WWOX: variants seen among roughly 807,000 people sequenced by gnomAD.
WWOX encodes the protein WW domain containing oxidoreductase.
Under a neutral mutation model 46.2 loss-of-function variants are expected in WWOX, and 69 were observed. The ratio of observed to expected loss-of-function variants is 1.49; its 90% CI spans 1.23 to 1.82. The LOEUF is 1.82. Ranked by LOEUF, WWOX falls within the 40% of genes most tolerant of loss-of-function variation. WWOX has a pLI of 0.00. For missense variants in WWOX, 919 were observed against 542.6 expected, an observed-to-expected ratio of 1.69 and a Z score of -6.89; for synonymous variants, 359 against 202.6, an observed-to-expected ratio of 1.77 and a Z score of -6.56.
chr16:79,034,375 G>C (rs1399326374), intron 8 of WWOX, among the ~76,000 whole-genome samples: 1 of 152,198 alleles, frequency 6.6e-6, no homozygotes, highest in African/African-American at 2.4e-5. Flanking sequence ...TAATGAAATT[G>C]TATGCAAAGC....
intron 8 of WWOX, among the ~76,000 whole-genome samples, chr16:78,700,161 C>G (rs1166601517): frequency 6.6e-6 from 1 of 151,344 alleles, no homozygotes; most frequent in Non-Finnish European, 1.5e-5. Context: ...TAACAGAATA[C>G]CGTTGACTGG....
intron 8 of WWOX, among the ~76,000 whole-genome samples, chr16:79,120,445 G>A (rs982626496): frequency 8.5e-5 from 13 of 152,148 alleles, no homozygotes; most frequent in Admixed American, 6.5e-5. Context: ...CGCCCCTCCT[G>A]CCAAGAGCCC....
At position 78,338,545 on chromosome 16, in the gene WWOX, C is replaced by T. The variant is rs2080944579; in HGVS notation, c.517-48315C>T. Among the ~76,000 whole-genome samples, 2 of 120,750 alleles carry T rather than the reference C, an allele frequency of 1.7e-5. 1 individual carries two copies. Among genetic ancestry groups the T allele is most frequent in the South Asian group, 4.9e-4 (2 of 4,042 alleles). 79.2% of individuals were successfully genotyped at this position (120,750 alleles called of 152,430 possible). A position where few individuals can be genotyped will look rare whatever the true frequency, so the allele number is the denominator to read the frequency against. On this transcript the variant is annotated intron_variant, in intron 5 of 8. Coordinates refer to ENST00000566780, the MANE Select transcript of WWOX (RefSeq NM_016373.4). ...GAAATTCTGTAGTTTCCACAAGTAA[C>T]CAGAGAATTGTTCAAGGCAGAGAAT...
intron 8 of WWOX, among the ~76,000 whole-genome samples, chr16:79,140,834 T>G (rs2050075159): frequency 6.6e-6 from 1 of 151,928 alleles, no homozygotes. Context: ...ATCCGGAGAG[T>G]CTTCTTGTCA....
chr16:78,982,065 G>A (rs571781661), intron 8 of WWOX, among the ~76,000 whole-genome samples: 1 of 152,162 alleles, frequency 6.6e-6, no homozygotes, highest in Non-Finnish European at 1.5e-5. Flanking sequence ...GTTGTCTGTA[G>A]GATTTGGCCC....
chr16:78,460,358 C>T (rs1260610480), intron 8 of WWOX, among the ~76,000 whole-genome samples: 1 of 151,960 alleles, frequency 6.6e-6, no homozygotes, highest in Non-Finnish European at 1.5e-5. Context: ...AAACTACTGA[C>T]CTCTCCTCGG....
In WWOX at chr16:78,256,165, A is replaced by G. The variant is rs867018923; in HGVS notation, c.516+91876A>G. Among the ~76,000 whole-genome samples, 626 of 151,332 alleles carry G rather than the reference A, an allele frequency of 4.1e-3. 1 individual carries two copies. Among genetic ancestry groups the G allele is most frequent in the Middle Eastern group, 0.01 (3 of 292 alleles). ...ACTCCATCTCAAAAAAAAAAAAAAA[A>G]AAAAAAAAAGTAACTCATTCAAGGC... On this transcript the variant is annotated intron_variant, in intron 5 of 8. Transcript: ENST00000566780.
intron 8 of WWOX, among the ~76,000 whole-genome samples, chr16:79,056,047 AAT>A (rs2048255840): frequency 6.6e-6 from 1 of 152,088 alleles, no homozygotes; most frequent in Non-Finnish European, 1.5e-5. Context: ...TAATTGATAG[AAT>A]TACTAATTTG....
chr16:79,209,981 G>A (rs941457467), intron 8 of WWOX, among the ~76,000 whole-genome samples: 1 of 152,210 alleles, frequency 6.6e-6, no homozygotes, highest in Non-Finnish European at 1.5e-5. Flanking sequence ...TTTGGAGTGG[G>A]CATGATAATG....
At chr16:78,434,830 G>C (rs558490290) in intron 8 of WWOX, among the ~76,000 whole-genome samples, 2 of 152,264 alleles carry the variant, frequency 1.3e-5, no homozygotes, top group East Asian at 3.9e-4. Context: ...GTCATTGATA[G>C]AAAATAGTGG....
chr16:78,506,459 T>C (rs561884531), intron 8 of WWOX: 2 of 152,352 alleles, frequency 1.3e-5, no homozygotes, highest in African/African-American at 4.8e-5. Flanking sequence ...GAAGGTATAT[T>C]CAGAGTCTCC....
At chr16:78,314,709 T>TTTTG (rs2080324415) in intron 5 of WWOX, among the ~76,000 whole-genome samples, 1 of 77,396 alleles carries the variant, frequency 1.3e-5, no homozygotes, top group African/African-American at 5.5e-5. Context: ...TTGTTTTTTT[T>TTTTG]TTTTTTTTTT....
At chr16:78,660,726 G>C (rs1294444530) in intron 8 of WWOX, among the ~76,000 whole-genome samples, 1 of 152,136 alleles carries the variant, frequency 6.6e-6, no homozygotes, top group Non-Finnish European at 1.5e-5. Context: ...CTCCAAAAGA[G>C]GCAGCCATCA....
intron 5 of WWOX, among the ~76,000 whole-genome samples, chr16:78,208,536 A>G (rs576250129): frequency 9.9e-5 from 15 of 152,246 alleles, no homozygotes; most frequent in African/African-American, 3.4e-4. Context: ...GTCTTTATTA[A>G]TTTTGTCATG....
At chr16:78,643,936 A>G (rs2046782461) in intron 8 of WWOX, among the ~76,000 whole-genome samples, 1 of 152,126 alleles carries the variant, frequency 6.6e-6, no homozygotes, top group South Asian at 2.1e-4. Context: ...AACAACAAAA[A>G]ACACAGCTGG....
At chr16:78,117,461 C>G (rs2032856671) in intron 4 of WWOX, among the ~76,000 whole-genome samples, 1 of 152,154 alleles carries the variant, frequency 6.6e-6, no homozygotes, top group South Asian at 2.1e-4. Context: ...TAATATCGTA[C>G]TGCAAGTTCC....
intron 8 of WWOX, among the ~76,000 whole-genome samples, chr16:78,842,233 C>G (rs1168719364): frequency 6.6e-6 from 1 of 151,986 alleles, no homozygotes; most frequent in South Asian, 2.1e-4. Flanking sequence ...GTGGCTCTCT[C>G]CTGTAATCTC....
chr16:78,576,386 A>G (rs546192088), intron 8 of WWOX, among the ~76,000 whole-genome samples: 2 of 152,328 alleles, frequency 1.3e-5, no homozygotes, highest in South Asian at 4.1e-4. Flanking sequence ...GGTTTAGCAT[A>G]GAGCTATGAT....
chr16:78,950,196 C>T (rs558391834), intron 8 of WWOX, among the ~76,000 whole-genome samples: 1 of 152,192 alleles, frequency 6.6e-6, no homozygotes, highest in Non-Finnish European at 1.5e-5. Context: ...CATGTCTAAT[C>T]CATCCTTTTC....
Sources: allele counts gnomAD v4.1 joint callset (sites outside exome capture counted in the v4.1 genomes callset), GRCh38; gene constraint gnomAD v4.1.1; transcripts MANE v1.5; gene names NCBI Gene and HGNC (gene_info 2026-07-23, HGNC 2026-07-21).